SLC39A8: variants seen among roughly 807,000 people sequenced by gnomAD.
SLC39A8 encodes the protein solute carrier family 39 member 8.
Under a neutral mutation model 40.4 loss-of-function variants are expected in SLC39A8, and 15 were observed. The ratio of observed to expected loss-of-function variants is 0.37; its 90% CI spans 0.25 to 0.57. SLC39A8 has a LOEUF of 0.57. SLC39A8 is among the 20% of genes least tolerant of loss of function. The pLI, the probability that SLC39A8 is intolerant of heterozygous loss-of-function variation, is 0.75. For synonymous variants in SLC39A8, 223 were observed against 221.6 expected, an observed-to-expected ratio of 1.01 and a Z score of -0.06; for missense variants, 472 against 558.8, an observed-to-expected ratio of 0.84 and a Z score of 1.57.
intron 6 of SLC39A8, among the ~76,000 whole-genome samples, chr4:102,296,267 CTAACCTAGAAGGAACATA>C (rs1560544156): frequency 6.6e-6 from 1 of 151,980 alleles, no homozygotes; most frequent in African/African-American, 2.4e-5. Flanking sequence ...TTTTGTTACC[CTAACCTAGAAGGAACATA>C]TACAAATAGA....
intron 2 of SLC39A8, among the ~76,000 whole-genome samples, chr4:102,330,596 T>C (rs981299230): frequency 6.6e-5 from 10 of 151,756 alleles, no homozygotes; most frequent in African/African-American, 2.2e-4. Context: ...TATTCACGGA[T>C]ACAGAGGAGC....
intron 11 of SLC39A8, among the ~76,000 whole-genome samples, chr4:102,255,519 A>G (rs1432373604): frequency 2.6e-5 from 4 of 152,170 alleles, no homozygotes; most frequent in East Asian, 1.9e-4. Flanking sequence ...GTCAAATACA[A>G]GAGGCAAGAG....
At chr4:102,313,289 T>C (rs923282798) in intron 3 of SLC39A8, among the ~76,000 whole-genome samples, 1 of 152,126 alleles carries the variant, frequency 6.6e-6, no homozygotes, top group African/African-American at 2.4e-5. Context: ...GGCTGTAAAA[T>C]GGGAATAGTA....
intron 6 of SLC39A8, among the ~76,000 whole-genome samples, chr4:102,283,769 C>A (rs562911940): frequency 9.2e-5 from 14 of 152,288 alleles, no homozygotes; most frequent in African/African-American, 3.1e-4. Flanking sequence ...AGTGTTAGAA[C>A]ACAGGAATGC....
downstream of SLC39A8, among the ~76,000 whole-genome samples, chr4:102,258,105 T>TG (rs1731751391): frequency 9.1e-6 from 1 of 109,410 alleles, no homozygotes; most frequent in African/African-American, 9.6e-5. Flanking sequence ...GTGTTTTTTG[T>TG]TTTTTGTTTT....
At chr4:102,295,694 C>T (rs1733650226) in intron 6 of SLC39A8, among the ~76,000 whole-genome samples, 1 of 151,958 alleles carries the variant, frequency 6.6e-6, no homozygotes, top group Non-Finnish European at 1.5e-5. Flanking sequence ...CAGTGCCTGG[C>T]CCAATGTTTG....
chr4:102,273,068 G>A (rs953997045), intron 6 of SLC39A8, among the ~76,000 whole-genome samples: 1 of 152,168 alleles, frequency 6.6e-6, no homozygotes, highest in Admixed American at 6.5e-5. Context: ...CCATACCCCA[G>A]TGGTGCCTGG....
exon 12 of SLC39A8, chr4:102,253,373 G>T (rs1276972945): frequency 1.4e-6 from 1 of 712,152 alleles, no homozygotes; most frequent in African/African-American, 1.8e-5. Context: ...TGTTGAAGGT[G>T]CTGGTATTGC....
intron 8 of SLC39A8, among the ~76,000 whole-genome samples, chr4:102,263,620 C>A (rs1309593557): frequency 6.6e-6 from 1 of 152,084 alleles, no homozygotes; most frequent in Non-Finnish European, 1.5e-5. Flanking sequence ...ACAACAATGA[C>A]ATTTGCAACA....
chr4:102,255,427 A>G (rs1234806888), intron 11 of SLC39A8, among the ~76,000 whole-genome samples: 1 of 152,152 alleles, frequency 6.6e-6, no homozygotes, highest in Non-Finnish European at 1.5e-5. Context: ...CAGTCCCCAT[A>G]GCTTCTACTG....
chr4:102,308,092 G>C (rs1560552523), intron 3 of SLC39A8, among the ~76,000 whole-genome samples: 1 of 152,038 alleles, frequency 6.6e-6, no homozygotes, highest in African/African-American at 2.4e-5. Flanking sequence ...GACCATAGCT[G>C]CTAACACTGA....
At chr4:102,266,225 G>T (rs939403566) in intron 8 of SLC39A8, among the ~76,000 whole-genome samples, 2 of 152,124 alleles carry the variant, frequency 1.3e-5, no homozygotes, top group Non-Finnish European at 2.9e-5. Flanking sequence ...TCCAGGATGA[G>T]TATTATTTCT....
At chr4:102,257,732 G>C (rs145488467), downstream of SLC39A8, among the ~76,000 whole-genome samples, 2 of 152,318 alleles carry the variant, frequency 1.3e-5, no homozygotes, top group Non-Finnish European at 2.9e-5. Context: ...TCACCACAGA[G>C]TGATGTCATT....
intron 6 of SLC39A8, among the ~76,000 whole-genome samples, chr4:102,270,346 C>G (rs1732293935): frequency 6.6e-6 from 1 of 152,136 alleles, no homozygotes. Flanking sequence ...GCTTTGGTCC[C>G]AAATGATACT....
chr4:102,259,253 A>C (rs144440048), downstream of SLC39A8, among the ~76,000 whole-genome samples: 251 of 152,266 alleles, frequency 1.6e-3, 1 homozygote, highest in African/African-American at 5.7e-3. Context: ...TTTCTTTCCT[A>C]TGACCCCTAA....
At chr4:102,311,975 G>A (rs1734454140) in intron 3 of SLC39A8, among the ~76,000 whole-genome samples, 1 of 152,008 alleles carries the variant, frequency 6.6e-6, no homozygotes, top group African/African-American at 2.4e-5. Context: ...CAGGGAATGT[G>A]GTGAACCTAT....
At chr4:102,337,574 C>T (rs765847276) in intron 2 of SLC39A8, among the ~76,000 whole-genome samples, 22 of 152,318 alleles carry the variant, frequency 1.4e-4, no homozygotes, top group Non-Finnish European at 3.1e-4. Context: ...GTACTTGGCT[C>T]GGCTCACCTA....
At chr4:102,278,836 G>T (rs1193705294) in intron 6 of SLC39A8, among the ~76,000 whole-genome samples, 1 of 152,150 alleles carries the variant, frequency 6.6e-6, no homozygotes, top group African/African-American at 2.4e-5. Flanking sequence ...CATGTCCTTT[G>T]CAGGGACATG....
intron 2 of SLC39A8, among the ~76,000 whole-genome samples, chr4:102,323,585 G>A (rs1735056243): frequency 6.6e-6 from 1 of 152,168 alleles, no homozygotes; most frequent in Admixed American, 6.5e-5. Flanking sequence ...AGAGTTCTGG[G>A]AAGCATATAA....
Sources: allele counts gnomAD v4.1 joint callset (sites outside exome capture counted in the v4.1 genomes callset), GRCh38; gene constraint gnomAD v4.1.1; transcripts MANE v1.5; gene names NCBI Gene and HGNC (gene_info 2026-07-23, HGNC 2026-07-21).